ZC3H12B: variants seen among roughly 807,000 people sequenced by gnomAD.
ZC3H12B encodes zinc finger CCCH-type containing 12B, also known as probable ribonuclease ZC3H12B.
A neutral mutation model predicts 43.9 loss-of-function variants in ZC3H12B; 7 were observed. That is an observed-to-expected ratio of 0.16 (90% CI 0.09 to 0.30). The LOEUF is 0.30. Among genes scored for constraint, ZC3H12B ranks in the 10% least tolerant of loss-of-function variants. The pLI is 1.00. For missense variants in ZC3H12B, 475 were observed against 670.2 expected (o/e 0.71, Z 3.22); for synonymous variants, 222 against 241.7 (o/e 0.92, Z 0.76).
the ZC3H12B span, among the ~76,000 whole-genome samples, chrX:65,085,238 A>G: frequency 2.2e-4 from 25 of 111,571 alleles, no homozygotes; most frequent in Admixed American, 4.8e-4. Context: ...ACTTAAGTGT[A>G]CATTTAAAAA....
chrX:65,069,011 A>G, the ZC3H12B span, among the ~76,000 whole-genome samples: 24 of 108,990 alleles, frequency 2.2e-4, no homozygotes, highest in African/African-American at 7.7e-4. Flanking sequence ...TTGGAGCTCC[A>G]TAGTATATTG....
the ZC3H12B span, among the ~76,000 whole-genome samples, chrX:65,279,392 G>A: frequency 9.3e-6 from 1 of 107,642 alleles, no homozygotes; most frequent in Non-Finnish European, 1.9e-5. Flanking sequence ...CTCATAATTG[G>A]TGATATTGAG....
chrX:65,266,865 G>T, the ZC3H12B span, among the ~76,000 whole-genome samples: 1 of 110,757 alleles, frequency 9.0e-6, no homozygotes, highest in African/African-American at 3.3e-5. Flanking sequence ...TACAAATATT[G>T]GTCACAGCAC....
chrX:65,191,490 C>G, the ZC3H12B span, among the ~76,000 whole-genome samples: 3 of 102,486 alleles, frequency 2.9e-5, no homozygotes, highest in African/African-American at 1.2e-4. Context: ...TGTTATTGGT[C>G]TATTCAGAGA....
chrX:65,119,414 T>G, the ZC3H12B span, among the ~76,000 whole-genome samples: 1 of 112,414 alleles, frequency 8.9e-6, no homozygotes, highest in Non-Finnish European at 1.9e-5. Flanking sequence ...TGATGAGCAT[T>G]TTTTCATGTC....
intron 3 of ZC3H12B, among the ~76,000 whole-genome samples, chrX:65,443,834 G>A (rs1036303423): frequency 1.8e-5 from 2 of 112,391 alleles, no homozygotes; most frequent in Non-Finnish European, 3.8e-5. Context: ...AGACTTTGGG[G>A]GACTTGCTCC....
the ZC3H12B span, among the ~76,000 whole-genome samples, chrX:65,139,660 A>G: frequency 1.3e-4 from 14 of 111,721 alleles, no homozygotes; most frequent in East Asian, 2.8e-3. Context: ...TTGAATATAT[A>G]GATTGCTTTG....
At chrX:65,459,229 G>A (rs1473167986) in intron 3 of ZC3H12B, among the ~76,000 whole-genome samples, 4 of 111,584 alleles carry the variant, frequency 3.6e-5, no homozygotes, top group Admixed American at 2.8e-4. Flanking sequence ...CTTACCAACC[G>A]AAAAAAGTCC....
intron 3 of ZC3H12B, among the ~76,000 whole-genome samples, chrX:65,474,724 C>T (rs1602506342): frequency 9.0e-6 from 1 of 111,388 alleles, no homozygotes; most frequent in South Asian, 3.8e-4. Flanking sequence ...GATTCTCATG[C>T]TTCAGCCTCC....
At chrX:65,424,513 T>C (rs1026298125) in intron 3 of ZC3H12B, among the ~76,000 whole-genome samples, 3 of 112,531 alleles carry the variant, frequency 2.7e-5, no homozygotes, top group Admixed American at 1.9e-4. Flanking sequence ...GCAATTGCTT[T>C]TGGTGTCTTT....
chrX:65,161,633 T>A, the ZC3H12B span, among the ~76,000 whole-genome samples: 68 of 111,909 alleles, frequency 6.1e-4, 1 homozygote, highest in East Asian at 0.017. Context: ...TCCTGCATCC[T>A]TTTATTTTGA....
chrX:65,374,350 A>G (rs1033029883), intron 2 of ZC3H12B, among the ~76,000 whole-genome samples: 2 of 99,478 alleles, frequency 2.0e-5, no homozygotes, highest in Non-Finnish European at 4.0e-5. Flanking sequence ...GACAGGATCA[A>G]TCATACCGCA....
the ZC3H12B span, among the ~76,000 whole-genome samples, chrX:65,264,223 G>C: frequency 9.0e-6 from 1 of 111,359 alleles, no homozygotes; most frequent in Non-Finnish European, 1.9e-5. Flanking sequence ...CACTACTCAA[G>C]TGATGAGTGC....
At chrX:65,392,350 G>A (rs2066631122) in intron 2 of ZC3H12B, among the ~76,000 whole-genome samples, 1 of 111,537 alleles carries the variant, frequency 9.0e-6, no homozygotes, top group Non-Finnish European at 1.9e-5. Context: ...CCATCTTCTG[G>A]GATGTGGGGA....
chrX:65,072,423 A>C, the ZC3H12B span, among the ~76,000 whole-genome samples: 1 of 112,680 alleles, frequency 8.9e-6, no homozygotes, highest in African/African-American at 3.2e-5. Flanking sequence ...AACCCTTGCT[A>C]GAAGGCTAGT....
the ZC3H12B span, among the ~76,000 whole-genome samples, chrX:65,281,660 A>G: frequency 8.9e-6 from 1 of 112,576 alleles, no homozygotes. Flanking sequence ...CTTACGTTAT[A>G]CAAAAATCAA....
intron 2 of ZC3H12B, among the ~76,000 whole-genome samples, chrX:65,386,833 C>T (rs941352179): frequency 3.9e-4 from 43 of 111,364 alleles, no homozygotes; most frequent in African/African-American, 1.3e-3. Flanking sequence ...CCCAGAGATT[C>T]TGGTATGTTG....
At chrX:65,472,067 GA>G (rs1280596053) in intron 3 of ZC3H12B, among the ~76,000 whole-genome samples, 1 of 111,529 alleles carries the variant, frequency 9.0e-6, no homozygotes, top group Non-Finnish European at 1.9e-5. Context: ...CTTCATTTAT[GA>G]AACTTAGTTT....
At chrX:65,291,026 A>G in the ZC3H12B span, among the ~76,000 whole-genome samples, 7 of 111,685 alleles carry the variant, frequency 6.3e-5, no homozygotes, top group African/African-American at 9.7e-5. Flanking sequence ...TGCCTTAAAT[A>G]CATGTAAAAA....
Sources: gnomAD v4.1 joint callset for allele counts (sites outside exome capture counted in the v4.1 genomes callset) on GRCh38, gnomAD v4.1.1 for gene constraint, MANE v1.5 for transcripts, NCBI Gene and HGNC (gene_info 2026-07-23, HGNC 2026-07-21) for gene names.